DLEU7: variants seen among roughly 807,000 people sequenced by gnomAD.
DLEU7 encodes leukemia-associated protein 7.
In DLEU7, 17 loss-of-function variants were observed where a neutral mutation model predicts 16.0. The observed-to-expected ratio is 1.06, with a 90% confidence interval of 0.73 to 1.59. DLEU7 has a LOEUF of 1.59. Among genes scored for constraint, DLEU7 ranks in the 40% most tolerant of loss-of-function variants. DLEU7 has a pLI of 0.00. For missense variants in DLEU7, 308 were observed against 314.9 expected (o/e 0.98, Z 0.17); for synonymous variants, 113 against 139.8 (o/e 0.81, Z 1.35).
chr13:50,726,415 C>A lies in DLEU7; in HGVS notation c.460-13175G>T, dbSNP rs1566230388. 6.6e-6 allele frequency among the ~76,000 whole-genome samples: 1 copy of A among 152,186 alleles called. No homozygotes were observed. The highest frequency in any genetic ancestry group is 6.5e-5 in the Admixed American group (1 of 15,274). ...CTGCAACAGCCACCTGACTTTCCCG[C>A]CTCCTCCTTTCACGGAACACAGGCT... On this transcript the variant is annotated intron_variant, in intron 1 of 1. Coordinates refer to the DLEU7 transcript ENST00000400393. This position sits in a 1 kb window ranked among gnomAD's most constrained non-coding sequence, Gnocchi z 4.0.
At chr13:50,712,899 A>C (rs1246465378) in exon 2 of DLEU7, 1 of 323,692 alleles carries the variant, frequency 3.1e-6, no homozygotes, top group East Asian at 5.3e-5. Context: ...CCTGAAGAGC[A>C]AACAGGGGTA....
At position 50,801,056 on chromosome 13, in the gene DLEU7, T is replaced by G. The variant is rs564000349; in HGVS notation, c.459+42132A>C. 1.1e-3 allele frequency among the ~76,000 whole-genome samples: 168 copies of G among 152,286 alleles called. 1 individual carries two copies. Among genetic ancestry groups the G allele is most frequent in the African/African-American group, 3.8e-3 (157 of 41,546 alleles). On this transcript the variant is annotated intron_variant, in intron 1 of 1. Coordinates refer to the DLEU7 transcript ENST00000400393. ...AGAGGCTTTTCACATTTCATAGAAA[T>G]GAGGATTGTGACTCTACAGAAAAAG... is the stretch of plus-strand genomic sequence containing the variant.
chr13:50,717,109 G>A lies in DLEU7; in HGVS notation c.460-3869C>T, dbSNP rs192314499. The stretch of plus-strand genomic sequence containing the variant: ...GCTTTTTAGGATCTTTAATACTTTA[G>A]CTTTAAGTGAGATGATTTAGTTGAT... On this transcript the variant is annotated intron_variant, in intron 1 of 1. Transcript: ENST00000400393. 2.6e-5 allele frequency among the ~76,000 whole-genome samples: 4 copies of A among 152,146 alleles called. No individual in the cohort carries two copies. In the East Asian group the frequency reaches 7.7e-4, roughly 29 times the overall value.
chr13:50,741,589 G>C (rs963935489), intron 1 of DLEU7, among the ~76,000 whole-genome samples: 1 of 152,126 alleles, frequency 6.6e-6, no homozygotes, highest in Non-Finnish European at 1.5e-5. Context: ...TTTTATTGCT[G>C]TTTCCCAGCC....
intron 1 of DLEU7, among the ~76,000 whole-genome samples, chr13:50,842,636 C>G (rs2137820827): frequency 6.6e-6 from 1 of 152,338 alleles, no homozygotes; most frequent in Middle Eastern, 3.4e-3. Context: ...GCTCTCACCC[C>G]ACTTTATGAG....
At chr13:50,748,578 A>T (rs889292113) in intron 1 of DLEU7, among the ~76,000 whole-genome samples, 4 of 152,122 alleles carry the variant, frequency 2.6e-5, no homozygotes, top group Admixed American at 1.3e-4. Flanking sequence ...GGGTGTCCTC[A>T]GGTGACGGTC....
intron 1 of DLEU7, among the ~76,000 whole-genome samples, chr13:50,809,076 T>C (rs1205333254): frequency 1.3e-5 from 2 of 152,148 alleles, no homozygotes; most frequent in Non-Finnish European, 2.9e-5. Flanking sequence ...GTCTACCTAC[T>C]TGACTGACCC....
chr13:50,771,442 C>T (rs1875307294), intron 1 of DLEU7, among the ~76,000 whole-genome samples: 2 of 152,040 alleles, frequency 1.3e-5, no homozygotes, highest in South Asian at 4.2e-4. Context: ...TAAATCTGTC[C>T]CAGAGATTAT....
intron 1 of DLEU7, among the ~76,000 whole-genome samples, chr13:50,719,020 G>A (rs1873518485): frequency 6.6e-6 from 1 of 152,174 alleles, no homozygotes; most frequent in Non-Finnish European, 1.5e-5. Context: ...TACACACCTG[G>A]AAATGCTCAG....
intron 1 of DLEU7, among the ~76,000 whole-genome samples, chr13:50,812,350 G>A (rs997866577): frequency 3.3e-5 from 5 of 152,092 alleles, no homozygotes; most frequent in Non-Finnish European, 7.4e-5. Flanking sequence ...TGAGACCTCC[G>A]GCGAAGATGC....
rs1220143637 is a variant in DLEU7, at chr13:50,726,709, C to T, written c.460-13469G>A. Among the ~76,000 whole-genome samples, 3 of 151,928 alleles carry T rather than the reference C, an allele frequency of 2.0e-5. No homozygotes were observed. The highest frequency in any genetic ancestry group is 4.2e-4 in the South Asian group (2 of 4,806). On this transcript the variant is annotated intron_variant, in intron 1 of 1. Coordinates refer to the DLEU7 transcript ENST00000400393. The surrounding 1 kb of genome is among the most constrained non-coding windows in gnomAD (Gnocchi z 4.0). The stretch of plus-strand genomic sequence containing the variant: ...TATTTCTCCAGGCATGGGTGCACCT[C>T]GGGGGTGGGCTGAGCACCTATGAGT...
intron 1 of DLEU7, among the ~76,000 whole-genome samples, chr13:50,769,155 T>A (rs1271017461): frequency 1.3e-5 from 2 of 152,196 alleles, no homozygotes; most frequent in Non-Finnish European, 2.9e-5. Flanking sequence ...TGTTGTAAAT[T>A]TGTTTAAGTT....
At chr13:50,766,406 C>G (rs1166654890) in intron 1 of DLEU7, among the ~76,000 whole-genome samples, 1 of 152,202 alleles carries the variant, frequency 6.6e-6, no homozygotes, top group Non-Finnish European at 1.5e-5. Context: ...GATTCAGCTA[C>G]TCCTAGTATG....
intron 1 of DLEU7, among the ~76,000 whole-genome samples, chr13:50,810,026 T>TG (rs1876517400): frequency 3.4e-5 from 1 of 29,590 alleles, no homozygotes; most frequent in African/African-American, 1.2e-4. Context: ...GGGGTAGCAC[T>TG]TTTTTTTTTT....
intron 1 of DLEU7, among the ~76,000 whole-genome samples, chr13:50,750,644 C>T (rs1395650401): frequency 3.9e-5 from 6 of 152,106 alleles, no homozygotes; most frequent in African/African-American, 1.4e-4. Context: ...AGCGGTCTTT[C>T]ACCTCCTTGG....
At chr13:50,738,997 A>ACG (rs1372141967) in intron 1 of DLEU7, among the ~76,000 whole-genome samples, 7 of 103,068 alleles carry the variant, frequency 6.8e-5, no homozygotes, top group African/African-American at 2.5e-4. Context: ...ACACACACAC[A>ACG]CACACACGCA....
chr13:50,759,358 C>G (rs1202396876), intron 1 of DLEU7, among the ~76,000 whole-genome samples: 1 of 152,138 alleles, frequency 6.6e-6, no homozygotes, highest in African/African-American at 2.4e-5. Context: ...TGGCTTGATC[C>G]CAATGATCTC....
chr13:50,805,290 A>C (rs901529220), intron 1 of DLEU7, among the ~76,000 whole-genome samples: 17 of 152,176 alleles, frequency 1.1e-4, no homozygotes, highest in African/African-American at 4.1e-4. Context: ...GAGTTTATCA[A>C]ATGTCTCTCA....
chr13:50,827,693 A>G (rs972080911), intron 1 of DLEU7, among the ~76,000 whole-genome samples: 8 of 152,172 alleles, frequency 5.3e-5, no homozygotes, highest in Admixed American at 2.0e-4. Flanking sequence ...TCTCAAAGAA[A>G]AAGAAAAAAC....
Sources: gnomAD v4.1 joint callset for allele counts (sites outside exome capture counted in the v4.1 genomes callset) on GRCh38, gnomAD v4.1.1 for gene constraint, Gnocchi (gnomAD v3.1) non-coding constraint, MANE v1.5 for transcripts, NCBI Gene and HGNC (gene_info 2026-07-23, HGNC 2026-07-21) for gene names.